Variants in TMEM268 observed in about 807,000 individuals in gnomAD.
TMEM268 encodes the protein transmembrane protein 268.
A neutral mutation model predicts 39.1 loss-of-function variants in TMEM268; 24 were observed. That is an observed-to-expected ratio of 0.61 (90% CI 0.44 to 0.86). TMEM268 has a LOEUF of 0.86. Ranked by LOEUF, TMEM268 falls within the 40% of genes least tolerant of loss-of-function variation. The pLI is 0.00. For synonymous variants in TMEM268, 176 were observed against 173.5 expected, an observed-to-expected ratio of 1.01 and a Z score of -0.12; for missense variants, 409 against 428.6, an observed-to-expected ratio of 0.95 and a Z score of 0.40.
chr9:114,607,382 G>A (rs774314549), upstream of TMEM268, among the ~76,000 whole-genome samples: 3 of 152,172 alleles, frequency 2.0e-5, no homozygotes, highest in Non-Finnish European at 2.9e-5. Flanking sequence ...AGGGCTGGAC[G>A]CAGTGGCTTA....
At chr9:114,637,691 G>A (rs760718062) in intron 7 of TMEM268, among the ~76,000 whole-genome samples, 19 of 152,214 alleles carry the variant, frequency 1.2e-4, no homozygotes, top group South Asian at 2.1e-4. Context: ...CCTTTCTACC[G>A]TTTATTAAGA....
At chr9:114,624,215 G>A in intron 2 of TMEM268, 135 bp from the exon 3 acceptor site, 1 of 1,451,446 alleles carries the variant, frequency 6.9e-7, no homozygotes, top group East Asian at 2.6e-5. Flanking sequence ...GAGGATTTGA[G>A]GATGGCCACC....
In TMEM268 at chr9:114,637,077, T is replaced by C. The variant is rs1403631450; in HGVS notation, c.666+7T>C. 6.3e-7 allele frequency: 1 copy of C among 1,584,052 alleles called. No homozygotes were observed. The highest frequency in any genetic ancestry group is 8.7e-7 in the Non-Finnish European group (1 of 1,153,300). ...AATGAAGACTAGCCAAGAGGTAAGA[T>C]ATCTTCAGTGAAAAAACAAAACAAA... On this transcript the variant is annotated splice_region_variant and intron_variant, in intron 7 of 8. Transcript: ENST00000288502.
chr9:114,635,548 G>A (rs12553347), intron 6 of TMEM268, among the ~76,000 whole-genome samples: 9,647 of 152,014 alleles, frequency 0.063, 472 homozygotes, highest in South Asian at 0.19. Context: ...GCATGGTGTC[G>A]CATGCCTGTA....
chr9:114,636,211 G>A (rs2900589), intron 6 of TMEM268, among the ~76,000 whole-genome samples: 9,659 of 152,166 alleles, frequency 0.063, 470 homozygotes, highest in South Asian at 0.19. Flanking sequence ...TAGCTTGGCC[G>A]GCCCCTGGGG....
chr9:114,615,647 GA>G (rs1845674275), intron 1 of TMEM268: 1 of 152,058 alleles, frequency 6.6e-6, no homozygotes, highest in African/African-American at 2.4e-5. Flanking sequence ...CTCTGCTAGG[GA>G]GCCTGATTGC....
At chr9:114,635,434 T>C (rs1846592698) in intron 6 of TMEM268, among the ~76,000 whole-genome samples, 1 of 152,000 alleles carries the variant, frequency 6.6e-6, no homozygotes. Flanking sequence ...CCTAGCACTT[T>C]GGGAGGCTGA....
rs753899981 is a variant in TMEM268, at chr9:114,643,032, G to T, written c.850-102G>T. The T allele has an allele frequency of 2.3e-4, 289 of 1,238,340 alleles. 2 individuals carry two copies. Among genetic ancestry groups the T allele is most frequent in the Non-Finnish European group, 3.2e-4 (272 of 860,062 alleles). 76.7% of individuals were successfully genotyped at this position (1,238,340 alleles called of 1,614,324 possible). A position where few individuals can be genotyped will look rare whatever the true frequency, so the allele number is the denominator to read the frequency against. On this transcript the variant is annotated intron_variant, in intron 8 of 8. Transcript: ENST00000288502. ...TCTTCCTAGAGAGCATCACTGCTGGGTCCAGGGGCAAGAAAGCAGCATGTC... is the reference window on the plus strand; with the variant it reads ...TCTTCCTAGAGAGCATCACTGCTGGTTCCAGGGGCAAGAAAGCAGCATGTC...
rs2067240909 is a variant in TMEM268 at position 114,633,700 on chromosome 9, C to A, written c.475-68C>A. On this transcript the variant is annotated intron_variant, in intron 5 of 8. Transcript: ENST00000288502. ...CTGGGGGTGGGATGGTGTGTTTCTA[C>A]TGCCCAGAGCCTGGGAGCTCCCCAG... 3.9e-6 allele frequency: 3 copies of A among 778,006 alleles called. No homozygotes were observed. The Admixed American group carries it at 8.2e-5, about 21-fold the overall frequency. The allele number at this position is 778,006 out of a possible 1,614,324, so 48.2% of individuals were successfully genotyped here.
chr9:114,630,026 G>T (rs1407734505), intron 5 of TMEM268, among the ~76,000 whole-genome samples: 1 of 152,190 alleles, frequency 6.6e-6, no homozygotes, highest in Non-Finnish European at 1.5e-5. Context: ...GTTTTAGTTA[G>T]CAGGAGCAAG....
At chr9:114,624,261 A>C (rs760470789) in intron 2 of TMEM268, 89 bp from the exon 3 acceptor site, 3 of 1,528,692 alleles carry the variant, frequency 2.0e-6, no homozygotes, top group African/African-American at 1.4e-5. Context: ...TCTCATGGCC[A>C]GAGGTGTGAT....
chr9:114,623,603 G>A (rs1846033069), intron 2 of TMEM268, among the ~76,000 whole-genome samples: 1 of 151,962 alleles, frequency 6.6e-6, no homozygotes, highest in African/African-American at 2.4e-5. Flanking sequence ...ACATTCCCTG[G>A]CTCATGGCCC....
At chr9:114,624,204 A>G (rs1006520429) in intron 2 of TMEM268, 146 bp from the exon 3 acceptor site, 13 of 1,432,858 alleles carry the variant, frequency 9.1e-6, no homozygotes, top group Non-Finnish European at 1.1e-5. Flanking sequence ...CCTTCTCTCA[A>G]GAGGATTTGA....
In TMEM268 at chr9:114,628,215, A is replaced by T. The variant is rs1166411897; in HGVS notation, c.439A>T (p.Thr147Ser). Reference protein sequence around the residue: ...VTLAAVSLTLTLVLVFERHQK... With the variant: ...VTLAAVSLTLSLVLVFERHQK... The stretch of plus-strand genomic sequence containing the variant: ...CCTGGCCGCGGTGAGCCTGACCTTG[A>T]CTCTTGTGCTGGTCTTTGAAAGACA... Residue 147 changes from threonine to serine, a missense_variant, in exon 5 of 9, where the codon ACT becomes TCT. By Grantham distance (58) the Thr-to-Ser change is moderately conservative (BLOSUM62 1). Coordinates refer to ENST00000288502, the MANE Select transcript of TMEM268 (RefSeq NM_153045.4). 1 of 1,613,680 alleles carries T rather than the reference A, an allele frequency of 6.2e-7. No homozygotes were observed. The highest frequency in any genetic ancestry group is 2.2e-5 in the East Asian group (1 of 44,870).
At chr9:114,606,866 A>G (rs577693458), upstream of TMEM268, among the ~76,000 whole-genome samples, 2 of 152,194 alleles carry the variant, frequency 1.3e-5, no homozygotes, top group East Asian at 3.9e-4. Flanking sequence ...AAAAGAAAAA[A>G]AAAAAAACCA....
chr9:114,640,958 C>G (rs1248136858), intron 8 of TMEM268, among the ~76,000 whole-genome samples: 1 of 152,062 alleles, frequency 6.6e-6, no homozygotes, highest in Non-Finnish European at 1.5e-5. Flanking sequence ...TCACTGCAAA[C>G]TCCATCTCCC....
At chr9:114,605,937 A>T in the TMEM268 span, among the ~76,000 whole-genome samples, 4 of 151,858 alleles carry the variant, frequency 2.6e-5, no homozygotes, top group Non-Finnish European at 5.9e-5. Flanking sequence ...GTATCAAAAA[A>T]CAAAAAAGAA....
Position 114,638,556 on chromosome 9 carries a change from A to G in TMEM268, c.679A>G (p.Ser227Gly). The part of the protein sequence containing the change: ...MKTSQESLLR[S>G]RLSQLCVVME... ...GTTTCCTTTGCAGTCCTTGCTGAGA[A>G]GCAGATTGAGCCAGTTGTGTGTTGT... The change falls in exon 8 of 9, where the codon AGC (serine) becomes GGC (glycine). Residue 227 changes from serine to glycine, a missense_variant. Coordinates refer to ENST00000288502, the MANE Select transcript of TMEM268 (RefSeq NM_153045.4). 2 of 1,577,604 alleles carry G rather than the reference A, an allele frequency of 1.3e-6. No individual in the cohort carries two copies. The highest frequency in any genetic ancestry group is 1.7e-6 in the Non-Finnish European group (2 of 1,162,368).
chr9:114,626,541 A>AG (rs1394745823), intron 3 of TMEM268, among the ~76,000 whole-genome samples: 1 of 152,238 alleles, frequency 6.6e-6, no homozygotes, highest in African/African-American at 2.4e-5. Flanking sequence ...AGAGGAAAAA[A>AG]CAGGCTCAGA....
Sources: gnomAD v4.1 joint callset for allele counts (sites outside exome capture counted in the v4.1 genomes callset) on GRCh38, gnomAD v4.1.1 for gene constraint, MANE v1.5 for transcripts, NCBI Gene and HGNC (gene_info 2026-07-23, HGNC 2026-07-21) for gene names.